DPY19L3: variants seen among roughly 807,000 people sequenced by gnomAD.
DPY19L3 encodes the protein dpy-19 like C-mannosyltransferase 3.
Under a neutral mutation model 92.3 loss-of-function variants are expected in DPY19L3, and 51 were observed. That is an observed-to-expected ratio of 0.55 (90% CI 0.44 to 0.70). The LOEUF (loss-of-function observed/expected upper bound fraction) is 0.70, where lower values mean the gene tolerates loss of function less well. DPY19L3 is among the 30% of genes least tolerant of loss of function. DPY19L3 has a pLI of 0.00. For missense variants in DPY19L3, 706 were observed against 855.9 expected (o/e 0.82, Z 2.18); for synonymous variants, 309 against 315.2 (o/e 0.98, Z 0.21).
intron 12 of DPY19L3, 143 bp downstream of exon 12, chr19:32,458,652 A>T (rs1969944605): frequency 1.2e-6 from 1 of 850,094 alleles, no homozygotes; most frequent in Admixed American, 2.5e-5. Context: ...TTTAGAGTGG[A>T]CTACACTCCC....
At chr19:32,453,123 A>G (rs984865532) in intron 8 of DPY19L3, 22 bp from the exon 9 acceptor site, 12 of 1,613,494 alleles carry the variant, frequency 7.4e-6, no homozygotes, top group Non-Finnish European at 1.0e-5. Context: ...GTCTGTACTC[A>G]TCTAATCTTT....
At chr19:32,419,797 A>G (rs987371813) in intron 3 of DPY19L3, among the ~76,000 whole-genome samples, 1 of 151,904 alleles carries the variant, frequency 6.6e-6, no homozygotes, top group Non-Finnish European at 1.5e-5. Flanking sequence ...TGTCCTTTCA[A>G]TGCAACCTAC....
At chr19:32,423,943 A>G (rs1263051475) in intron 3 of DPY19L3, among the ~76,000 whole-genome samples, 2 of 151,964 alleles carry the variant, frequency 1.3e-5, no homozygotes, top group Non-Finnish European at 2.9e-5. Context: ...AGCTCAGGAC[A>G]CAGAAGTTAT....
Position 32,436,650 on chromosome 19 carries a change from TTCTG to T in DPY19L3, c.450+84_450+87del, listed in dbSNP as rs1404085823. The T allele has an allele frequency of 2.0e-5, 24 of 1,210,062 alleles. No individual in the cohort carries two copies. The African/African-American group carries it at 3.6e-4, about 18-fold the overall frequency. 75.0% of individuals were successfully genotyped at this position (1,210,062 alleles called of 1,614,324 possible). ...GAACTGAAAGTTATCACATCGTTCT[TTCTG>T]ATCTTCAACTGGTTTAGTAGAAAAT... On this transcript the variant is annotated intron_variant, in intron 5 of 18. Transcript: ENST00000392250.
At chr19:32,421,326 G>A (rs1043012587) in intron 3 of DPY19L3, among the ~76,000 whole-genome samples, 1 of 152,246 alleles carries the variant, frequency 6.6e-6, no homozygotes, top group African/African-American at 2.4e-5. Flanking sequence ...AAATCCAGTG[G>A]CACTCAGAAA....
chr19:32,479,718 G>A (rs917280496), intron 17 of DPY19L3: 8 of 347,172 alleles, frequency 2.3e-5, no homozygotes, highest in Admixed American at 7.4e-5. Flanking sequence ...AATCTGGGAC[G>A]CTCAGTTTGC....
At chr19:32,437,120 C>A in intron 5 of DPY19L3, 74 bp from the exon 6 acceptor site, 1 of 1,564,890 alleles carries the variant, frequency 6.4e-7, no homozygotes, top group Non-Finnish European at 8.7e-7. Flanking sequence ...TGTATTCCTA[C>A]TGTCATGTTT....
At chr19:32,481,091 G>A (rs896807457) in intron 18 of DPY19L3, 13 of 271,596 alleles carry the variant, frequency 4.8e-5, no homozygotes, top group East Asian at 3.7e-4. Context: ...GCAGCAAGCC[G>A]CTTCTCCCTT....
At chr19:32,438,980 A>C in intron 6 of DPY19L3, 132 bp from the exon 7 acceptor site, 1 of 913,746 alleles carries the variant, frequency 1.1e-6, no homozygotes, top group South Asian at 1.7e-5. Context: ...TGATAAGGAC[A>C]ATTATTGAGA....
At position 32,463,944 on chromosome 19, in the gene DPY19L3, A is replaced by T; in HGVS notation, c.1521A>T (p.Leu507Phe). The change falls in exon 14 of 19, where the codon TTA (leucine) becomes TTT (phenylalanine). Residue 507 changes from leucine (L) to phenylalanine (F), a missense_variant. Physicochemically the swap from Leu to Phe is conservative, Grantham distance 22. Coordinates refer to ENST00000392250, the MANE Select transcript of DPY19L3 (RefSeq NM_001172774.2). ...FGLCSPEIWE[L>F]LLKSVHLYNP... Reference sequence around the variant, plus strand: ...TATGTAGCCCTGAAATATGGGAGTTACTTCTGAAGTCAGTCCATCTTTATA... The same window carrying T: ...TATGTAGCCCTGAAATATGGGAGTTTCTTCTGAAGTCAGTCCATCTTTATA... 6.2e-7 allele frequency: 1 copy of T among 1,613,266 alleles called. No individual in the cohort carries two copies. The highest frequency in any genetic ancestry group is 8.5e-7 in the Non-Finnish European group (1 of 1,179,424).
intron 11 of DPY19L3, 42 bp downstream of exon 11, chr19:32,458,215 A>C (rs750063475): frequency 1.9e-6 from 3 of 1,597,410 alleles, no homozygotes; most frequent in Non-Finnish European, 2.6e-6. Flanking sequence ...TTTTCTATTG[A>C]ATCAGCAGGG....
chr19:32,469,326 G>A lies in DPY19L3; in HGVS notation c.1697+513G>A, dbSNP rs184747284. Among the ~76,000 whole-genome samples the A allele has an allele frequency of 1.4e-4, 22 of 151,840 alleles. No individual in the cohort carries two copies. In the East Asian group the frequency reaches 2.5e-3, roughly 17 times the overall value. ...AGCCTGGCCAACATGATGAAACCCCGTCTGTCTCTACTAAAAATACAAAAA... is the reference window on the plus strand; with the variant it reads ...AGCCTGGCCAACATGATGAAACCCCATCTGTCTCTACTAAAAATACAAAAA... On this transcript the variant is annotated intron_variant, in intron 16 of 18. Transcript: ENST00000392250.
chr19:32,432,624 T>C (rs1251640105), intron 3 of DPY19L3, 92 bp from the exon 4 acceptor site: 3 of 1,063,934 alleles, frequency 2.8e-6, no homozygotes, highest in Non-Finnish European at 4.1e-6. Flanking sequence ...TTTTTCTCTT[T>C]CAAGTTGCAG....
intron 4 of DPY19L3, among the ~76,000 whole-genome samples, chr19:32,434,230 C>T (rs796129327): frequency 1.3e-5 from 2 of 152,186 alleles, no homozygotes; most frequent in East Asian, 1.9e-4. Context: ...CTCTGGCATG[C>T]GTGTTTCCCA....
intron 16 of DPY19L3, 101 bp from the exon 17 acceptor site, chr19:32,477,421 T>C (rs1970544594): frequency 6.8e-7 from 1 of 1,469,886 alleles, no homozygotes; most frequent in African/African-American, 1.4e-5. Context: ...TAACACTTGG[T>C]AACATAGCTG....
chr19:32,469,356 C>T (rs968596986), intron 16 of DPY19L3, among the ~76,000 whole-genome samples: 1 of 151,878 alleles, frequency 6.6e-6, no homozygotes, highest in Non-Finnish European at 1.5e-5. Context: ...CAAAAATTAG[C>T]CAGGCATGGT....
chr19:32,441,197 G>A (rs989220176), intron 8 of DPY19L3, among the ~76,000 whole-genome samples: 1 of 152,050 alleles, frequency 6.6e-6, no homozygotes, highest in South Asian at 2.1e-4. Flanking sequence ...CATTTTAGTT[G>A]TATTGTAATA....
intron 3 of DPY19L3, among the ~76,000 whole-genome samples, chr19:32,431,293 G>T (rs987710998): frequency 6.6e-6 from 1 of 151,766 alleles, no homozygotes; most frequent in Non-Finnish European, 1.5e-5. Flanking sequence ...CAGGACAATC[G>T]CTTGAACCTG....
intron 14 of DPY19L3, among the ~76,000 whole-genome samples, chr19:32,464,182 AAGTT>A (rs1970130746): frequency 6.6e-6 from 1 of 152,208 alleles, no homozygotes; most frequent in Middle Eastern, 3.4e-3. Context: ...CTCAGACTAT[AAGTT>A]AGATATGTTC....
Sources: allele counts gnomAD v4.1 joint callset (sites outside exome capture counted in the v4.1 genomes callset), GRCh38; gene constraint gnomAD v4.1.1; transcripts MANE v1.5; gene names NCBI Gene and HGNC (gene_info 2026-07-23, HGNC 2026-07-21).